ZNF423: variants seen among roughly 807,000 people sequenced by gnomAD.
ZNF423 encodes Ebf-associated zinc finger protein.
A neutral mutation model predicts 95.8 loss-of-function variants in ZNF423; 12 were observed. The observed-to-expected ratio is 0.13, with a 90% CI of 0.08 to 0.20. ZNF423 has a LOEUF of 0.20. Among genes scored for constraint, ZNF423 ranks in the 10% least tolerant of loss-of-function variants. The probability of loss-of-function intolerance (pLI) is 1.00; values close to 1 mark genes in which losing one functional copy is unlikely to be tolerated. For synonymous variants in ZNF423, 749 were observed against 711.9 expected, an observed-to-expected ratio of 1.05 and a Z score of -0.83; for missense variants, 1,316 against 1,737.1, an observed-to-expected ratio of 0.76 and a Z score of 4.31.
At chr16:49,537,837 A>G (rs140499193) in intron 5 of ZNF423, among the ~76,000 whole-genome samples, 150 of 152,300 alleles carry the variant, frequency 9.8e-4, no homozygotes, top group Admixed American at 2.6e-3. Context: ...CCAAGCTCAC[A>G]TTAGCTTGTT....
chr16:49,502,090 AC>A (rs1410236279), intron 7 of ZNF423, among the ~76,000 whole-genome samples: 1 of 152,058 alleles, frequency 6.6e-6, no homozygotes, highest in Non-Finnish European at 1.5e-5. Context: ...TGTTTAAAGT[AC>A]TATGCAAGCC....
intron 5 of ZNF423, among the ~76,000 whole-genome samples, chr16:49,550,020 A>G (rs1031562797): frequency 6.6e-6 from 1 of 152,076 alleles, no homozygotes; most frequent in Non-Finnish European, 1.5e-5. Flanking sequence ...CCACAGGCAC[A>G]CGCCACCATG....
chr16:49,585,311 G>A (rs757164733), intron 5 of ZNF423, among the ~76,000 whole-genome samples: 5 of 152,074 alleles, frequency 3.3e-5, no homozygotes, highest in African/African-American at 4.8e-5. Flanking sequence ...GCACTGACTC[G>A]GCCTCTCAGC....
At chr16:49,762,683 G>A (rs574379488) in intron 2 of ZNF423, among the ~76,000 whole-genome samples, 3 of 152,266 alleles carry the variant, frequency 2.0e-5, no homozygotes, top group East Asian at 1.9e-4. Context: ...CACTCAGGAG[G>A]TGCAAGGACA....
At chr16:49,557,522 T>G (rs1168113823) in intron 5 of ZNF423, among the ~76,000 whole-genome samples, 3 of 151,746 alleles carry the variant, frequency 2.0e-5, no homozygotes, top group South Asian at 2.1e-4. Flanking sequence ...CCCCAGGGGG[T>G]GGTGGTGGGG....
chr16:49,620,829 C>G (rs553670811), intron 5 of ZNF423, among the ~76,000 whole-genome samples: 8 of 151,942 alleles, frequency 5.3e-5, no homozygotes, highest in African/African-American at 1.7e-4. Flanking sequence ...GCCTCTCCAG[C>G]AAATCGGCTT....
intron 5 of ZNF423, among the ~76,000 whole-genome samples, chr16:49,533,881 G>A (rs746542930): frequency 1.6e-4 from 25 of 152,126 alleles, no homozygotes; most frequent in Non-Finnish European, 2.2e-4. Flanking sequence ...CATGACCCCC[G>A]GCACAGTGGC....
intron 5 of ZNF423, among the ~76,000 whole-genome samples, chr16:49,597,224 G>C (rs1426025447): frequency 6.6e-6 from 1 of 152,138 alleles, no homozygotes; most frequent in African/African-American, 2.4e-5. Context: ...CCACAGCCCA[G>C]GCCTCACAAT....
chr16:49,797,211 A>T (rs1284119426), intron 1 of ZNF423, among the ~76,000 whole-genome samples: 1 of 152,118 alleles, frequency 6.6e-6, no homozygotes, highest in Non-Finnish European at 1.5e-5. Flanking sequence ...CTTACTACTG[A>T]GCAACCTCCA....
rs568686318 is a variant in ZNF423, at chr16:49,654,078, TAGAG to T, written c.302-15208_302-15205del. On this transcript the variant is annotated intron_variant, in intron 3 of 7. Transcript: ENST00000563137. The stretch of plus-strand genomic sequence containing the variant: ...TCTTACAGATCAGACATCTGAGACA[TAGAG>T]AGGGCGAGGGCCCTGACTTCCACAG... 5.9e-5 allele frequency among the ~76,000 whole-genome samples: 9 copies of T among 152,300 alleles called. No homozygotes were observed. The East Asian group carries it at 1.7e-3, about 29-fold the overall frequency.
intron 2 of ZNF423, among the ~76,000 whole-genome samples, chr16:49,767,924 C>A (rs1336522882): frequency 6.6e-6 from 1 of 152,244 alleles, no homozygotes; most frequent in Non-Finnish European, 1.5e-5. Flanking sequence ...TGTCTGTGAA[C>A]CAATTTCATT....
intron 2 of ZNF423, among the ~76,000 whole-genome samples, chr16:49,744,729 A>C (rs1026732701): frequency 1.3e-5 from 2 of 152,160 alleles, no homozygotes; most frequent in Non-Finnish European, 2.9e-5. Context: ...AGTGAACCGC[A>C]CCAAGGAAAC....
chr16:49,762,642 C>G (rs1350403430), intron 2 of ZNF423, among the ~76,000 whole-genome samples: 1 of 152,184 alleles, frequency 6.6e-6, no homozygotes, highest in African/African-American at 2.4e-5. Flanking sequence ...TTTACAAGTG[C>G]AGAGGGGAGG....
At chr16:49,576,951 G>A (rs933153923) in intron 5 of ZNF423, among the ~76,000 whole-genome samples, 6 of 152,236 alleles carry the variant, frequency 3.9e-5, no homozygotes, top group South Asian at 2.1e-4. Context: ...CCAGAATTTG[G>A]GGGCCAGAAA....
At chr16:49,517,704 C>T (rs931338338) in intron 7 of ZNF423, 2 of 236,472 alleles carry the variant, frequency 8.5e-6, no homozygotes, top group Non-Finnish European at 1.7e-5. Context: ...TTAGATCAGG[C>T]CAGTTAATGG....
intron 2 of ZNF423, among the ~76,000 whole-genome samples, chr16:49,760,713 T>C (rs2033814017): frequency 6.6e-6 from 1 of 151,924 alleles, no homozygotes; most frequent in African/African-American, 2.4e-5. Context: ...GAGGGAGGGC[T>C]TCCCAGAGGA....
intron 5 of ZNF423, among the ~76,000 whole-genome samples, chr16:49,527,763 G>T (rs1384068571): frequency 6.6e-6 from 1 of 152,190 alleles, no homozygotes; most frequent in Non-Finnish European, 1.5e-5. Flanking sequence ...AACACAGCCA[G>T]ATGGGGGCGG....
At position 49,673,313 on chromosome 16, in the gene ZNF423, T is replaced by C. The variant is rs564829877; in HGVS notation, c.302-34439A>G. Among the ~76,000 whole-genome samples, 111 of 152,302 alleles carry C rather than the reference T, an allele frequency of 7.3e-4. 1 individual carries two copies. Among genetic ancestry groups the C allele is most frequent in the South Asian group, 4.4e-3 (21 of 4,814 alleles). On this transcript the variant is annotated intron_variant, in intron 3 of 7. Transcript: ENST00000563137. Reference sequence around the variant, plus strand: ...CCTGGTCATCTCCAACTTCTCTTGATTGGCAATTTTTTCACCCACTGGGAA... The same window carrying C: ...CCTGGTCATCTCCAACTTCTCTTGACTGGCAATTTTTTCACCCACTGGGAA...
intron 5 of ZNF423, among the ~76,000 whole-genome samples, chr16:49,539,166 C>G (rs1969161532): frequency 6.6e-6 from 1 of 152,152 alleles, no homozygotes; most frequent in African/African-American, 2.4e-5. Context: ...CTACACCCCC[C>G]ACGGCTCTGG....
Sources: gnomAD v4.1 joint callset for allele counts (sites outside exome capture counted in the v4.1 genomes callset) on GRCh38, gnomAD v4.1.1 for gene constraint, MANE v1.5 for transcripts, NCBI Gene and HGNC (gene_info 2026-07-23, HGNC 2026-07-21) for gene names.